ZNF567: variants seen among roughly 807,000 people sequenced by gnomAD.
ZNF567 encodes the protein zinc finger protein 567.
Under a neutral mutation model 53.9 loss-of-function variants are expected in ZNF567, and 36 were observed. The ratio of observed to expected loss-of-function variants is 0.67; its 90% CI spans 0.51 to 0.88. The LOEUF (loss-of-function observed/expected upper bound fraction) is 0.88, where lower values mean the gene tolerates loss of function less well. ZNF567 is among the 40% of genes least tolerant of loss of function. The pLI is 0.00. For missense variants in ZNF567, 619 were observed against 764.7 expected, an observed-to-expected ratio of 0.81 and a Z score of 2.25; for synonymous variants, 224 against 260.4, an observed-to-expected ratio of 0.86 and a Z score of 1.35.
At chr19:36,704,316 G>A (rs772949624) in intron 3 of ZNF567, among the ~76,000 whole-genome samples, 2 of 152,156 alleles carry the variant, frequency 1.3e-5, no homozygotes, top group Non-Finnish European at 2.9e-5. Flanking sequence ...AGTTGCTCAG[G>A]AGGCTGAGAC....
chr19:36,674,803 G>T, the ZNF567 span, among the ~76,000 whole-genome samples: 2 of 152,014 alleles, frequency 1.3e-5, no homozygotes, highest in South Asian at 4.2e-4. Flanking sequence ...GCCCAGGCTG[G>T]AGTGCAGTGG....
chr19:36,711,180 T>G (rs1045240776), intron 3 of ZNF567: 1 of 152,360 alleles, frequency 6.6e-6, no homozygotes, highest in African/African-American at 2.4e-5. Context: ...CAAGCGATTG[T>G]ACTGCCTCAG....
At chr19:36,709,312 T>A (rs746611355) in intron 3 of ZNF567, among the ~76,000 whole-genome samples, 16 of 152,232 alleles carry the variant, frequency 1.1e-4, no homozygotes, top group Non-Finnish European at 2.1e-4. Context: ...ATGGTTGCTT[T>A]CATGCTAAAA....
upstream of ZNF567, among the ~76,000 whole-genome samples, chr19:36,684,548 A>G (rs2038232533): frequency 6.6e-6 from 1 of 152,170 alleles, no homozygotes; most frequent in Non-Finnish European, 1.5e-5. Context: ...TAAATCTAGA[A>G]TCCTAAGATT....
chr19:36,675,154 A>G, the ZNF567 span, among the ~76,000 whole-genome samples: 1 of 152,254 alleles, frequency 6.6e-6, no homozygotes, highest in East Asian at 1.9e-4. Flanking sequence ...GAAAATAGCA[A>G]GTATATGTAA....
At chr19:36,683,643 C>A (rs1157270293), upstream of ZNF567, among the ~76,000 whole-genome samples, 1 of 152,094 alleles carries the variant, frequency 6.6e-6, no homozygotes, top group African/African-American at 2.4e-5. Context: ...ACCATCCTGG[C>A]CAACATGGTG....
Position 36,720,910 on chromosome 19 carries a change from A to C in ZNF567, c.*242A>C. 3.5e-6 allele frequency: 1 copy of C among 285,238 alleles called. No homozygotes were observed. The highest frequency in any genetic ancestry group is 6.0e-5 in the East Asian group (1 of 16,750). 17.7% of individuals were successfully genotyped at this position (285,238 alleles called of 1,614,324 possible). ...AACTGCTCTTCCTACTGACTCAAATAGTTTATTTTTTAAAAATACTTATAT... is the reference window on the plus strand; with the variant it reads ...AACTGCTCTTCCTACTGACTCAAATCGTTTATTTTTTAAAAATACTTATAT... On this transcript the variant is annotated 3_prime_UTR_variant, in exon 6 of 6. Coordinates refer to ENST00000682579, the MANE Select transcript of ZNF567 (RefSeq NM_001322917.1).
At chr19:36,715,509 A>AATAATAATAATAATAATT (rs1309147349) in intron 5 of ZNF567, among the ~76,000 whole-genome samples, 1 of 45,824 alleles carries the variant, frequency 2.2e-5, no homozygotes, top group Non-Finnish European at 3.9e-5. Flanking sequence ...TAATAATAAT[A>AATAATAATAATAATAATT]ATTATTATTA....
intron 3 of ZNF567, among the ~76,000 whole-genome samples, chr19:36,706,019 C>A (rs2039469244): frequency 6.6e-6 from 1 of 152,026 alleles, no homozygotes; most frequent in Admixed American, 6.6e-5. Flanking sequence ...TTATGAAGAA[C>A]AAAAATAAAT....
chr19:36,721,490 G>A (rs935893001), downstream of ZNF567, among the ~76,000 whole-genome samples: 4 of 152,082 alleles, frequency 2.6e-5, no homozygotes, highest in South Asian at 8.3e-4. Flanking sequence ...TTGTGAGAAG[G>A]CTATTAATAA....
intron 3 of ZNF567, among the ~76,000 whole-genome samples, chr19:36,696,392 T>C (rs2038888770): frequency 6.6e-6 from 1 of 152,240 alleles, no homozygotes; most frequent in African/African-American, 2.4e-5. Context: ...TCTGTCTTTT[T>C]TGATGTATTG....
upstream of ZNF567, chr19:36,686,664 A>G (rs2038280144): frequency 6.6e-6 from 1 of 152,148 alleles, no homozygotes; most frequent in African/African-American, 2.4e-5. Context: ...TCTTCCCAGA[A>G]CTCTGCTTAA....
intron 5 of ZNF567, 121 bp from the exon 6 acceptor site, chr19:36,718,827 C>T: frequency 5.5e-6 from 4 of 722,680 alleles, no homozygotes; most frequent in Non-Finnish European, 8.6e-6. Context: ...GCACCCCTGC[C>T]AGGCCAGTGG....
downstream of ZNF567, among the ~76,000 whole-genome samples, chr19:36,721,732 CT>C (rs756276834): frequency 0.023 from 2,832 of 121,514 alleles, 184 homozygotes; most frequent in Middle Eastern, 0.052. Context: ...GTACCAGAGT[CT>C]TTTTTTTTTT....
chr19:36,698,765 T>C (rs1385746456), intron 3 of ZNF567, among the ~76,000 whole-genome samples: 1 of 152,104 alleles, frequency 6.6e-6, no homozygotes, highest in East Asian at 1.9e-4. Context: ...CACTTTTTGA[T>C]GGGGTTGTTT....
chr19:36,679,319 A>C, the ZNF567 span, among the ~76,000 whole-genome samples: 2 of 152,158 alleles, frequency 1.3e-5, no homozygotes, highest in African/African-American at 4.8e-5. Context: ...ATTACCGTGC[A>C]CCTGTTAGAC....
intron 3 of ZNF567, among the ~76,000 whole-genome samples, chr19:36,707,407 T>G (rs1309593622): frequency 6.6e-6 from 1 of 152,214 alleles, no homozygotes; most frequent in Non-Finnish European, 1.5e-5. Flanking sequence ...TTCACTGATC[T>G]TTTCTTTCTT....
chr19:36,673,771 C>A, the ZNF567 span, among the ~76,000 whole-genome samples: 1 of 152,026 alleles, frequency 6.6e-6, no homozygotes, highest in Non-Finnish European at 1.5e-5. Context: ...AAGTATTTTA[C>A]ATGTATAGTG....
chr19:36,668,926 T>G, the ZNF567 span: 2 of 152,320 alleles, frequency 1.3e-5, no homozygotes, highest in African/African-American at 4.8e-5. Context: ...CATTGTGGAT[T>G]CAACAAACCT....
Sources: gnomAD v4.1 joint callset for allele counts (sites outside exome capture counted in the v4.1 genomes callset) on GRCh38, gnomAD v4.1.1 for gene constraint, MANE v1.5 for transcripts, NCBI Gene and HGNC (gene_info 2026-07-23, HGNC 2026-07-21) for gene names.